Variants in ZDHHC16 observed in about 807,000 individuals in gnomAD.
The protein encoded by ZDHHC16 is zDHHC palmitoyltransferase 16.
In ZDHHC16, 33 loss-of-function variants were observed where a neutral mutation model predicts 54.4. The observed-to-expected ratio is 0.61, with a 90% CI of 0.46 to 0.81. The LOEUF (loss-of-function observed/expected upper bound fraction) is 0.81, where lower values mean the gene tolerates loss of function less well. ZDHHC16 is among the 30% of genes least tolerant of loss of function. ZDHHC16 has a pLI of 0.00. For synonymous variants in ZDHHC16, 185 were observed against 182.1 expected, an observed-to-expected ratio of 1.02 and a Z score of -0.13; for missense variants, 420 against 485.9, an observed-to-expected ratio of 0.86 and a Z score of 1.28.
In ZDHHC16 at chr10:97,451,949, G is replaced by C. The variant is rs767853651; in HGVS notation, c.243+31G>C. ...TGATGTCCAGGGAGCAGGAAAAGGG[G>C]TGTTGTGGGGAGCAGAGGGACATGT... On this transcript the variant is annotated intron_variant, in intron 3 of 11. Transcript: ENST00000393760. 3.1e-6 allele frequency: 5 copies of C among 1,595,224 alleles called. No homozygotes were observed. The East Asian group carries it at 1.1e-4, about 36-fold the overall frequency.
intron 1 of ZDHHC16, among the ~76,000 whole-genome samples, chr10:97,449,591 C>T (rs1020072174): frequency 2.6e-5 from 4 of 152,102 alleles, no homozygotes; most frequent in African/African-American, 7.2e-5. Flanking sequence ...TGCACTGGCG[C>T]GATCTTGGCT....
At position 97,452,625 on chromosome 10, in the gene ZDHHC16, CCCTCTTCTCCTGACA is replaced by C. The variant is rs374781073; in HGVS notation, c.527+127_527+141del. 1.2e-3 allele frequency: 1,350 copies of C among 1,100,098 alleles called. 12 individuals carry two copies. In the African/African-American group the frequency reaches 0.019, roughly 15 times the overall value. The allele number at this position is 1,100,098 out of a possible 1,614,324, so 68.1% of individuals were successfully genotyped here. The stretch of plus-strand genomic sequence containing the variant: ...CACCCATCGTGTCCCAGGTGATGTG[CCCTCTTCTCCTGACA>C]CCTCATCCTTAGGATGGTCCTGTGA... On this transcript the variant is annotated intron_variant, in intron 5 of 11. Transcript: ENST00000393760.
chr10:97,455,414 G>A (rs1847076059), intron 9 of ZDHHC16, among the ~76,000 whole-genome samples: 1 of 152,098 alleles, frequency 6.6e-6, no homozygotes, highest in Admixed American at 6.6e-5. Flanking sequence ...TGAGTTGCTG[G>A]GACTACTAGG....
At chr10:97,453,308 G>C (rs565613090) in intron 6 of ZDHHC16, among the ~76,000 whole-genome samples, 3 of 152,092 alleles carry the variant, frequency 2.0e-5, no homozygotes, top group Non-Finnish European at 2.9e-5. Flanking sequence ...TTCAGTTTCC[G>C]TGACTTCTTG....
intron 9 of ZDHHC16, among the ~76,000 whole-genome samples, chr10:97,455,420 C>T (rs752462859): frequency 6.6e-6 from 1 of 152,204 alleles, no homozygotes; most frequent in East Asian, 1.9e-4. Context: ...GCTGGGACTA[C>T]TAGGCATGAG....
Position 97,453,510 on chromosome 10 carries a change from CTTAATCA to C in ZDHHC16, c.557-17_557-11del, listed in dbSNP as rs747742138. On this transcript the variant is annotated splice_polypyrimidine_tract_variant and intron_variant, in intron 6 of 11. Transcript: ENST00000393760. The stretch of plus-strand genomic sequence containing the variant: ...CCTGAAATTGTGTTTGATTCTAGTC[CTTAATCA>C]TTTCCCAACCAGCCTGGCTAAACAA... 1 of 1,613,110 alleles carries C rather than the reference CTTAATCA, an allele frequency of 6.2e-7. No individual in the cohort carries two copies. Among genetic ancestry groups the C allele is most frequent in the South Asian group, 1.1e-5 (1 of 91,026 alleles).
In ZDHHC16 at chr10:97,456,911, G is replaced by T; in HGVS notation, c.*20G>T. Reference sequence around the variant, plus strand: ...GTGTGAGCTGGACTGTGTCAGCCACGACTCGAGCACTCATTCTGCTCCCTA... The same window carrying T: ...GTGTGAGCTGGACTGTGTCAGCCACTACTCGAGCACTCATTCTGCTCCCTA... On this transcript the variant is annotated 3_prime_UTR_variant, in exon 12 of 12. Coordinates refer to ENST00000393760, the MANE Select transcript of ZDHHC16 (RefSeq NM_198046.3). 3 of 1,573,506 alleles carry T rather than the reference G, an allele frequency of 1.9e-6. No homozygotes were observed. The highest frequency in any genetic ancestry group is 2.3e-5 in the East Asian group (1 of 43,808).
intron 5 of ZDHHC16, 88 bp from the exon 6 acceptor site, chr10:97,452,807 C>G: frequency 1.3e-6 from 2 of 1,571,036 alleles, no homozygotes; most frequent in Non-Finnish European, 1.8e-6. Flanking sequence ...TCCACCTCAG[C>G]AGGATGCTGG....
intron 1 of ZDHHC16, among the ~76,000 whole-genome samples, chr10:97,448,783 G>A (rs868303151): frequency 8.5e-5 from 13 of 152,094 alleles, no homozygotes; most frequent in African/African-American, 2.9e-4. Context: ...AAGTGTTTAT[G>A]TGTAGCATTT....
chr10:97,456,112 G>A (rs1847159955), intron 11 of ZDHHC16, 68 bp downstream of exon 11: 1 of 1,526,166 alleles, frequency 6.6e-7, no homozygotes, highest in Non-Finnish European at 9.1e-7. Context: ...TTCTATGCCT[G>A]TGAGCACTTG....
rs1268978762 is a variant in ZDHHC16, at chr10:97,451,783, A to G, written c.108A>G (p.Val36=). The change falls in exon 3 of 12, where the codon GTA becomes GTG. Residue 36 remains valine, a synonymous_variant. Coordinates refer to ENST00000393760, the MANE Select transcript of ZDHHC16 (RefSeq NM_198046.3). The part of the protein sequence containing the change: ...RRCPPLLRGL[V]QRWRYGKVCL... ...GTCCACCTCTACTCCGGGGTCTAGT[A>G]CAGCGCTGGCGCTACGGCAAGGTCT... 2 of 1,614,130 alleles carry G rather than the reference A, an allele frequency of 1.2e-6. No individual in the cohort carries two copies. The highest frequency in any genetic ancestry group is 8.5e-7 in the Non-Finnish European group (1 of 1,180,030).
intron 1 of ZDHHC16, among the ~76,000 whole-genome samples, chr10:97,449,913 G>A (rs1454634155): frequency 5.1e-5 from 6 of 118,596 alleles, no homozygotes; most frequent in African/African-American, 6.9e-5. Context: ...CGCCCAGGCC[G>A]GACTGCGGAC....
chr10:97,455,452 CATT>C, intron 9 of ZDHHC16: 1 of 822,802 alleles, frequency 1.2e-6, no homozygotes, highest in Non-Finnish European at 1.9e-6. Flanking sequence ...GGCTTCACAT[CATT>C]TATTCTTAGG....
chr10:97,446,456 C>A, intron 1 of ZDHHC16, 103 bp downstream of exon 1: 1 of 185,998 alleles, frequency 5.4e-6, no homozygotes. Context: ...GCTCTCTCCT[C>A]GCCCCGCCCT....
At chr10:97,452,008 G>A in intron 3 of ZDHHC16, 82 bp from the exon 4 acceptor site, 1 of 1,598,314 alleles carries the variant, frequency 6.3e-7, no homozygotes, top group Non-Finnish European at 8.5e-7. Context: ...TTGGAGGCCG[G>A]CCCCCACCCC....
intron 10 of ZDHHC16, 70 bp downstream of exon 10, chr10:97,455,853 T>A: frequency 6.2e-7 from 1 of 1,602,956 alleles, no homozygotes; most frequent in Non-Finnish European, 8.5e-7. Flanking sequence ...ACAGAGGCCA[T>A]GGGCAGGGCT....
At chr10:97,451,558 G>C (rs1846609915) in intron 2 of ZDHHC16, 113 bp from the exon 3 acceptor site, 1 of 1,444,434 alleles carries the variant, frequency 6.9e-7, no homozygotes, top group East Asian at 2.3e-5. Flanking sequence ...GACTGGCCTA[G>C]CTGGGTCTTA....
intron 1 of ZDHHC16, among the ~76,000 whole-genome samples, chr10:97,450,096 C>T (rs977894141): frequency 2.6e-5 from 4 of 151,428 alleles, no homozygotes; most frequent in African/African-American, 9.7e-5. Context: ...TGGTCTCGAT[C>T]TCCTGACCTC....
Position 97,455,147 on chromosome 10 carries a change from CTA to C in ZDHHC16, c.824+350_824+351del, listed in dbSNP as rs552126329. 2.3e-3 allele frequency among the ~76,000 whole-genome samples: 346 copies of C among 152,300 alleles called. 1 individual carries two copies. The highest frequency in any genetic ancestry group is 7.8e-3 in the African/African-American group (326 of 41,566). ...GGGCAGTGAAGTGAAGTGACTTGTT[CTA>C]TGATACACAGCTAGTAGGAATATTA... On this transcript the variant is annotated intron_variant, in intron 9 of 11. Transcript: ENST00000393760.
Sources: gnomAD v4.1 joint callset for allele counts (sites outside exome capture counted in the v4.1 genomes callset) on GRCh38, gnomAD v4.1.1 for gene constraint, MANE v1.5 for transcripts, NCBI Gene and HGNC (gene_info 2026-07-23, HGNC 2026-07-21) for gene names.